The following NECTIN3 variants were observed in gnomAD, a reference collection of about 807,000 sequenced individuals.
NECTIN3 encodes the protein nectin-3.
Under a neutral mutation model 49.4 loss-of-function variants are expected in NECTIN3, and 8 were observed. The observed-to-expected ratio is 0.16, with a 90% CI of 0.10 to 0.29. The LOEUF is 0.29. NECTIN3 is among the 10% of genes least tolerant of loss of function. NECTIN3 has a pLI of 1.00. For missense variants in NECTIN3, 581 were observed against 654.6 expected, an observed-to-expected ratio of 0.89 and a Z score of 1.23; for synonymous variants, 277 against 241.1, an observed-to-expected ratio of 1.15 and a Z score of -1.38.
At chr3:111,072,230 C>G in intron 1 of NECTIN3, 53 bp downstream of exon 1, 3 of 1,497,308 alleles carry the variant, frequency 2.0e-6, no homozygotes, top group Non-Finnish European at 2.7e-6. Context: ...ACTGAGGGTG[C>G]GGGCGCCGCG....
chr3:111,081,672 G>C (rs2031614088), intron 1 of NECTIN3, among the ~76,000 whole-genome samples: 1 of 152,206 alleles, frequency 6.6e-6, no homozygotes, highest in Non-Finnish European at 1.5e-5. Context: ...GGTGGAAGAA[G>C]ACTTAGAGGA....
chr3:111,175,384 A>T (rs1470333035), intron 7 of NECTIN3, among the ~76,000 whole-genome samples: 1 of 151,542 alleles, frequency 6.6e-6, no homozygotes. Context: ...TCTTCTACCC[A>T]GTGTCTTCTG....
chr3:111,089,512 T>G (rs2032134929), intron 1 of NECTIN3, among the ~76,000 whole-genome samples: 1 of 152,070 alleles, frequency 6.6e-6, no homozygotes, highest in South Asian at 2.1e-4. Flanking sequence ...CCCATGTGTA[T>G]TCAGTTCAGA....
intron 7 of NECTIN3, among the ~76,000 whole-genome samples, chr3:111,179,217 T>A (rs1183809094): frequency 6.6e-6 from 1 of 152,134 alleles, no homozygotes; most frequent in Non-Finnish European, 1.5e-5. Flanking sequence ...TCTATCTAAG[T>A]CCCAAGGATC....
In NECTIN3 at chr3:111,135,112, A is replaced by G; in HGVS notation, c.*897A>G. The G allele has an allele frequency of 6.1e-6, 6 of 979,410 alleles. No individual in the cohort carries two copies. Among genetic ancestry groups the G allele is most frequent in the South Asian group, 4.7e-5 (1 of 21,178 alleles). The allele number at this position is 979,410 out of a possible 1,614,324, so 60.7% of individuals were successfully genotyped here. ...TTCGGAATACTGAAGTACTAGTTTT[A>G]GAAATGAGACTTTCAGCCAACAATC... On this transcript the variant is annotated 3_prime_UTR_variant, in exon 6 of 6. Coordinates refer to ENST00000485303, the MANE Select transcript of NECTIN3 (RefSeq NM_015480.3).
intron 4 of NECTIN3, among the ~76,000 whole-genome samples, chr3:111,125,018 CTTTCTT>C (rs2034102669): frequency 1.5e-5 from 2 of 130,360 alleles, no homozygotes; most frequent in East Asian, 4.4e-4. Flanking sequence ...ATCTTCTTTT[CTTTCTT>C]TTTTTTTTTT....
chr3:111,107,746 G>GC (rs1381230063), intron 1 of NECTIN3, among the ~76,000 whole-genome samples: 1 of 152,144 alleles, frequency 6.6e-6, no homozygotes, highest in Non-Finnish European at 1.5e-5. Context: ...GAGTAGTGAG[G>GC]CATTCTAATT....
At chr3:111,172,118 C>G (rs1190851047) in intron 7 of NECTIN3, among the ~76,000 whole-genome samples, 2 of 152,090 alleles carry the variant, frequency 1.3e-5, no homozygotes, top group African/African-American at 4.8e-5. Flanking sequence ...TTTTTAAGCC[C>G]TGTAATCTTA....
At chr3:111,155,058 C>T (rs1448262106) in intron 7 of NECTIN3, among the ~76,000 whole-genome samples, 1 of 152,144 alleles carries the variant, frequency 6.6e-6, no homozygotes, top group African/African-American at 2.4e-5. Context: ...CTGCCTCAGC[C>T]TCCCAAGTAG....
chr3:111,193,227 T>C, intron 1 of NECTIN3: 4 of 1,535,792 alleles, frequency 2.6e-6, no homozygotes, highest in Non-Finnish European at 3.5e-6. Context: ...GAGTTTTGAC[T>C]ATGAAGATGA....
Position 111,136,600 on chromosome 3 carries a change from A to T in NECTIN3, c.*2385A>T. 1.1e-6 allele frequency: 1 copy of T among 925,976 alleles called. No individual in the cohort carries two copies. The highest frequency in any genetic ancestry group is 1.3e-6 in the Non-Finnish European group (1 of 776,022). The allele number at this position is 925,976 out of a possible 1,614,324, so 57.4% of individuals were successfully genotyped here. On this transcript the variant is annotated 3_prime_UTR_variant, in exon 6 of 6. Coordinates refer to ENST00000485303, the MANE Select transcript of NECTIN3 (RefSeq NM_015480.3). ...ACATGAATAGTCATTAAATAAAGAC[A>T]TTGTTAAATTAGTTTTTGAATACCA...
chr3:111,189,852 T>C (rs1416299280), upstream of NECTIN3, among the ~76,000 whole-genome samples: 2 of 152,150 alleles, frequency 1.3e-5, no homozygotes, highest in African/African-American at 4.8e-5. Context: ...GCACCTGCCA[T>C]ATGCACCATG....
intron 7 of NECTIN3, among the ~76,000 whole-genome samples, chr3:111,172,758 C>A (rs900120607): frequency 6.6e-6 from 1 of 152,128 alleles, no homozygotes. Flanking sequence ...ATTTACCATG[C>A]ATATTGGAGG....
chr3:111,121,367 G>A (rs1318325447), intron 3 of NECTIN3, among the ~76,000 whole-genome samples: 1 of 152,086 alleles, frequency 6.6e-6, no homozygotes, highest in Non-Finnish European at 1.5e-5. Context: ...GAGCTAAACA[G>A]AGTGATGGTT....
At chr3:111,161,632 C>T (rs1323988828) in intron 7 of NECTIN3, among the ~76,000 whole-genome samples, 2 of 152,134 alleles carry the variant, frequency 1.3e-5, no homozygotes, top group African/African-American at 4.8e-5. Flanking sequence ...CTGTGAACTG[C>T]GCATGCAAGG....
Position 111,112,168 on chromosome 3 carries a change from A to G in NECTIN3, c.299A>G (p.Gln100Arg). Reference sequence around the variant, plus strand: ...GAGAAGATACATGGCAAAAGTTCACAGACTGTTGCAGTTCACCATCCCCAA... The same window carrying G: ...GAGAAGATACATGGCAAAAGTTCACGGACTGTTGCAGTTCACCATCCCCAA... ...SWEKIHGKSSQTVAVHHPQYG... is the reference protein window; with the variant it reads ...SWEKIHGKSSRTVAVHHPQYG... Residue 100 changes from glutamine (Q) to arginine (R), a missense_variant, in exon 2 of 6, where the codon CAG becomes CGG. Physicochemically the swap from Gln to Arg is conservative, Grantham distance 43 (BLOSUM62 1). This residue lies in a region of NECTIN3 where 234 missense variants were observed against 340.6 expected (regional missense o/e 0.69). Transcript: ENST00000485303. 2 of 1,613,920 alleles carry G rather than the reference A, an allele frequency of 1.2e-6. No homozygotes were observed. The highest frequency in any genetic ancestry group is 1.7e-6 in the Non-Finnish European group (2 of 1,179,882).
At chr3:111,132,012 A>G (rs1034640257) in intron 5 of NECTIN3, among the ~76,000 whole-genome samples, 4 of 151,876 alleles carry the variant, frequency 2.6e-5, no homozygotes, top group Non-Finnish European at 5.9e-5. Context: ...TTCCTCAGAA[A>G]ATACATGAAT....
intron 7 of NECTIN3, among the ~76,000 whole-genome samples, chr3:111,151,997 CT>C (rs1559810141): frequency 1.3e-5 from 2 of 151,738 alleles, no homozygotes; most frequent in African/African-American, 2.4e-5. Context: ...TATTTCCCCC[CT>C]GTATAAAAGT....
intron 6 of NECTIN3, chr3:111,145,128 A>G (rs1576160273): frequency 7.4e-7 from 1 of 1,353,506 alleles, no homozygotes; most frequent in East Asian, 2.5e-5. Context: ...AAAGAACTTA[A>G]GGGATAGAAG....
Sources: allele counts gnomAD v4.1 joint callset (sites outside exome capture counted in the v4.1 genomes callset), GRCh38; gene constraint gnomAD v4.1.1; regional missense constraint gnomAD v4.1.1; transcripts MANE v1.5; gene names NCBI Gene and HGNC (gene_info 2026-07-23, HGNC 2026-07-21).